The following SPATA17 variants were observed in gnomAD, a reference collection of about 807,000 sequenced individuals.
The protein encoded by SPATA17 is spermatogenesis associated 17.
In SPATA17, 53 loss-of-function variants were observed where a neutral mutation model predicts 62.2. That is an observed-to-expected ratio of 0.85 (90% CI 0.68 to 1.07). The LOEUF (loss-of-function observed/expected upper bound fraction) is 1.07. Among genes scored for constraint, SPATA17 ranks in the 50% least tolerant of loss-of-function variants. SPATA17 has a pLI of 0.00. For synonymous variants in SPATA17, 146 were observed against 146.8 expected, an observed-to-expected ratio of 0.99 and a Z score of 0.04; for missense variants, 466 against 425.5, an observed-to-expected ratio of 1.10 and a Z score of -0.84.
chr1:217,700,242 A>G (rs1671563102), intron 5 of SPATA17, among the ~76,000 whole-genome samples: 1 of 152,262 alleles, frequency 6.6e-6, no homozygotes, highest in Admixed American at 6.5e-5. Context: ...TCTGTAGACC[A>G]ATTTGGGAAG....
At chr1:217,809,615 C>A (rs923183200) in intron 9 of SPATA17, among the ~76,000 whole-genome samples, 1 of 152,120 alleles carries the variant, frequency 6.6e-6, no homozygotes, top group African/African-American at 2.4e-5. Flanking sequence ...AATCCATCCT[C>A]ATAAGAATCT....
At chr1:217,859,731 T>C (rs1057445790) in intron 9 of SPATA17, among the ~76,000 whole-genome samples, 1 of 152,154 alleles carries the variant, frequency 6.6e-6, no homozygotes, top group Admixed American at 6.5e-5. Context: ...TTAACACTCA[T>C]AGGATTAGAA....
At chr1:217,770,015 A>G (rs1003171524) in intron 6 of SPATA17, among the ~76,000 whole-genome samples, 2 of 152,306 alleles carry the variant, frequency 1.3e-5, no homozygotes, top group African/African-American at 4.8e-5. Flanking sequence ...GATAATTATG[A>G]TGAAGTACAT....
chr1:217,693,396 G>T (rs1571735528), intron 5 of SPATA17, among the ~76,000 whole-genome samples: 1 of 114,730 alleles, frequency 8.7e-6, no homozygotes, highest in African/African-American at 3.3e-5. Context: ...TTCTTTATTA[G>T]TCTTGCTAGC....
chr1:217,762,056 T>C (rs1558039974), intron 6 of SPATA17, among the ~76,000 whole-genome samples: 1 of 152,138 alleles, frequency 6.6e-6, no homozygotes, highest in Non-Finnish European at 1.5e-5. Context: ...CTCCCTTGTG[T>C]CCTGCTTCTC....
At chr1:217,748,854 G>A (rs1330109661) in intron 6 of SPATA17, among the ~76,000 whole-genome samples, 1 of 151,826 alleles carries the variant, frequency 6.6e-6, no homozygotes, top group Admixed American at 6.6e-5. Flanking sequence ...TGCTCAATAC[G>A]TGATTATTCA....
intron 1 of SPATA17, among the ~76,000 whole-genome samples, chr1:217,643,714 C>CTA (rs67666317): frequency 3.1e-4 from 46 of 149,088 alleles, no homozygotes; most frequent in East Asian, 1.4e-3. Context: ...CTCTCTCTCT[C>CTA]TATATATATA....
At chr1:217,802,388 A>T (rs1233117919) in intron 9 of SPATA17, among the ~76,000 whole-genome samples, 2 of 152,224 alleles carry the variant, frequency 1.3e-5, no homozygotes, top group Non-Finnish European at 2.9e-5. Context: ...GTGATATATT[A>T]GTCTATACTC....
intron 6 of SPATA17, among the ~76,000 whole-genome samples, chr1:217,745,698 T>C (rs1672731838): frequency 6.6e-6 from 1 of 152,094 alleles, no homozygotes; most frequent in Non-Finnish European, 1.5e-5. Context: ...AGTACTGTGC[T>C]AGGACTTTAG....
intron 9 of SPATA17, among the ~76,000 whole-genome samples, chr1:217,839,950 C>T (rs75409454): frequency 0.03 from 4,510 of 152,116 alleles, 147 homozygotes; most frequent in African/African-American, 0.075. Flanking sequence ...AGTGAAGTTG[C>T]TCTGCAATAA....
intron 6 of SPATA17, among the ~76,000 whole-genome samples, chr1:217,754,347 T>A (rs1361887338): frequency 6.6e-6 from 1 of 152,202 alleles, no homozygotes; most frequent in Non-Finnish European, 1.5e-5. Context: ...GGTGGTTCCT[T>A]TTTTAATCAC....
At chr1:217,773,354 GC>G (rs148039200) in intron 6 of SPATA17, among the ~76,000 whole-genome samples, 348 of 152,008 alleles carry the variant, frequency 2.3e-3, no homozygotes, top group Middle Eastern at 6.8e-3. Flanking sequence ...AAGTCATATT[GC>G]CCTTTAAAAT....
At chr1:217,840,315 A>G (rs1488745191) in intron 9 of SPATA17, among the ~76,000 whole-genome samples, 2 of 152,122 alleles carry the variant, frequency 1.3e-5, no homozygotes, top group African/African-American at 2.4e-5. Flanking sequence ...TTGATAAATT[A>G]TCCCAGAGTT....
rs969640308 is a variant in SPATA17 at position 217,871,561 on chromosome 1, T to G, written c.*4542T>G. The G allele has an allele frequency of 3.9e-5, 6 of 152,192 alleles. No individual in the cohort carries two copies. Among genetic ancestry groups the G allele is most frequent in the African/African-American group, 1.2e-4 (5 of 41,460 alleles). The allele number at this position is 152,192 out of a possible 1,614,324, so 9.4% of individuals were successfully genotyped here. On this transcript the variant is annotated 3_prime_UTR_variant, in exon 11 of 11. Transcript: ENST00000366933. The stretch of plus-strand genomic sequence containing the variant: ...TGGATCAGAATTCACTTTTTCCAAG[T>G]TACAGATTTTAATAAACCACTGTGC...
intron 9 of SPATA17, among the ~76,000 whole-genome samples, chr1:217,805,826 C>T (rs1674419186): frequency 6.6e-6 from 1 of 152,152 alleles, no homozygotes; most frequent in Non-Finnish European, 1.5e-5. Flanking sequence ...TGTTCATGGA[C>T]TGAAAGAATT....
At chr1:217,830,659 G>A (rs1232064952) in intron 9 of SPATA17, among the ~76,000 whole-genome samples, 3 of 152,138 alleles carry the variant, frequency 2.0e-5, no homozygotes, top group African/African-American at 4.8e-5. Flanking sequence ...ATTCTTAGAA[G>A]AGCCTGGAAG....
chr1:217,755,857 T>C (rs1013345508), intron 6 of SPATA17, among the ~76,000 whole-genome samples: 2 of 152,056 alleles, frequency 1.3e-5, no homozygotes, highest in Non-Finnish European at 2.9e-5. Flanking sequence ...ATTTTACCTA[T>C]TTTTTTGTTT....
intron 5 of SPATA17, among the ~76,000 whole-genome samples, chr1:217,724,061 G>A (rs193169103): frequency 2.1e-4 from 32 of 152,282 alleles, no homozygotes; most frequent in African/African-American, 7.7e-4. Context: ...TATCCACCAT[G>A]ACAAGTTACA....
In SPATA17 at chr1:217,751,022, C is replaced by T. The variant is rs535241087; in HGVS notation, c.519+8924C>T. Among the ~76,000 whole-genome samples the T allele has an allele frequency of 2.3e-4, 35 of 152,282 alleles. No homozygotes were observed. In the South Asian group the frequency reaches 7.0e-3, roughly 31 times the overall value. ...CTTACATGGAAGGAACTGTATCCTA[C>T]CTTTATGACTGTCCAGCCATCCTTC... On this transcript the variant is annotated intron_variant, in intron 6 of 10. Transcript: ENST00000366933.
Sources: allele counts gnomAD v4.1 joint callset (sites outside exome capture counted in the v4.1 genomes callset), GRCh38; gene constraint gnomAD v4.1.1; transcripts MANE v1.5; gene names NCBI Gene and HGNC (gene_info 2026-07-23, HGNC 2026-07-21).